The following PRPSAP2 variants were observed in gnomAD, a reference collection of about 807,000 sequenced individuals.
PRPSAP2 encodes the protein phosphoribosyl pyrophosphate synthetase associated protein 2.
In PRPSAP2, 24 loss-of-function variants were observed where a neutral mutation model predicts 40.6. The ratio of observed to expected loss-of-function variants is 0.59; its 90% CI spans 0.43 to 0.83. PRPSAP2 has a LOEUF of 0.83. PRPSAP2 is among the 40% of genes least tolerant of loss of function. PRPSAP2 has a pLI of 0.00. For missense variants in PRPSAP2, 292 were observed against 465.6 expected (o/e 0.63, Z 3.43); for synonymous variants, 149 against 164.7 (o/e 0.90, Z 0.73).
chr17:18,868,212 G>A (rs1290501847), intron 4 of PRPSAP2, among the ~76,000 whole-genome samples: 5 of 152,072 alleles, frequency 3.3e-5, no homozygotes, highest in Non-Finnish European at 5.9e-5. Context: ...GGTGGCTCAC[G>A]CCTGTAATCC....
intron 9 of PRPSAP2, among the ~76,000 whole-genome samples, chr17:18,922,576 C>A (rs1288895173): frequency 2.0e-5 from 3 of 150,700 alleles, no homozygotes; most frequent in African/African-American, 7.3e-5. Context: ...TGTTGAAATC[C>A]TTTGCCCATT....
chr17:18,861,065 C>T (rs1025460233), intron 1 of PRPSAP2, among the ~76,000 whole-genome samples: 1 of 152,150 alleles, frequency 6.6e-6, no homozygotes, highest in African/African-American at 2.4e-5. Flanking sequence ...AGCCCCATCT[C>T]GATGATTATT....
At chr17:18,916,418 C>T (rs564917426) in intron 9 of PRPSAP2, among the ~76,000 whole-genome samples, 109 of 150,786 alleles carry the variant, frequency 7.2e-4, no homozygotes, top group Non-Finnish European at 1.3e-3. Flanking sequence ...TCTTGTTGCC[C>T]AGGCTGGAGT....
chr17:18,867,175 A>G, intron 3 of PRPSAP2, 107 bp from the exon 4 acceptor site: 1 of 1,133,116 alleles, frequency 8.8e-7, no homozygotes, highest in Non-Finnish European at 1.3e-6. Flanking sequence ...TAAGAAGAAT[A>G]ACTTTATTTT....
At chr17:18,894,477 G>GTTTTTTTTTTT (rs1417463058) in intron 8 of PRPSAP2, among the ~76,000 whole-genome samples, 23 of 119,996 alleles carry the variant, frequency 1.9e-4, no homozygotes, top group Admixed American at 2.5e-4. Context: ...CTTTTCAATA[G>GTTTTTTTTTTT]TCTTTTTTTT....
At chr17:18,882,488 G>T in intron 6 of PRPSAP2, 80 bp from the exon 7 acceptor site, 2 of 900,108 alleles carry the variant, frequency 2.2e-6, no homozygotes, top group South Asian at 1.5e-5. Context: ...TCCAGCCTGG[G>T]TGACAGAATG....
intron 8 of PRPSAP2, chr17:18,904,512 C>T (rs1251900709): frequency 1.3e-5 from 2 of 152,238 alleles, no homozygotes; most frequent in Non-Finnish European, 2.9e-5. Flanking sequence ...GCCTCGGCCT[C>T]CCAAAGTGTT....
chr17:18,898,640 G>T (rs1252522872), intron 8 of PRPSAP2, among the ~76,000 whole-genome samples: 1 of 152,190 alleles, frequency 6.6e-6, no homozygotes, highest in Non-Finnish European at 1.5e-5. Context: ...TTTCTGATGA[G>T]AAGTTGGTTA....
intron 10 of PRPSAP2, chr17:18,928,435 T>G: frequency 3.6e-6 from 1 of 274,556 alleles, no homozygotes; most frequent in South Asian, 4.0e-5. Context: ...AAAAACATCT[T>G]TTAACACTTT....
chr17:18,863,753 C>T (rs2037220103), intron 1 of PRPSAP2, among the ~76,000 whole-genome samples: 1 of 150,914 alleles, frequency 6.6e-6, no homozygotes. Context: ...AGGCTGGTCT[C>T]GAACCCCTGA....
chr17:18,896,176 C>G (rs985014216), intron 8 of PRPSAP2, among the ~76,000 whole-genome samples: 1 of 152,144 alleles, frequency 6.6e-6, no homozygotes, highest in African/African-American at 2.4e-5. Context: ...TCCACCAATT[C>G]CCAGTGTTTG....
intron 9 of PRPSAP2, among the ~76,000 whole-genome samples, chr17:18,916,128 A>T (rs546329162): frequency 3.3e-4 from 50 of 152,026 alleles, no homozygotes; most frequent in African/African-American, 1.1e-3. Flanking sequence ...CAAATTTTTA[A>T]CATAAGTTTT....
At chr17:18,924,232 G>GT (rs1398531814) in intron 10 of PRPSAP2, among the ~76,000 whole-genome samples, 1 of 152,088 alleles carries the variant, frequency 6.6e-6, no homozygotes, top group African/African-American at 2.4e-5. Flanking sequence ...TAGAGATGGG[G>GT]TTTCACCATG....
chr17:18,860,554 C>T (rs2036932258), intron 1 of PRPSAP2: 1 of 152,184 alleles, frequency 6.6e-6, no homozygotes, highest in Non-Finnish European at 1.5e-5. Flanking sequence ...ATGGGGAAAT[C>T]TTTTTACCAA....
At chr17:18,917,563 A>ATTATTATTATTATTG (rs1567744042) in intron 9 of PRPSAP2, 19 of 25,426 alleles carry the variant, frequency 7.5e-4, no homozygotes, top group Admixed American at 1.4e-3. Flanking sequence ...TATTATTATT[A>ATTATTATTATTATTG]TTATTATTAT....
chr17:18,879,869 G>T (rs563915515), intron 6 of PRPSAP2, among the ~76,000 whole-genome samples: 3 of 152,154 alleles, frequency 2.0e-5, no homozygotes, highest in East Asian at 2.0e-4. Flanking sequence ...GGAGAACCAG[G>T]GGGCGATCAC....
intron 1 of PRPSAP2, among the ~76,000 whole-genome samples, chr17:18,861,997 C>T (rs908309589): frequency 1.3e-5 from 2 of 152,192 alleles, no homozygotes; most frequent in Non-Finnish European, 2.9e-5. Flanking sequence ...AAGCGATTCA[C>T]CTGCCTCAGC....
intron 1 of PRPSAP2, among the ~76,000 whole-genome samples, chr17:18,861,811 T>A (rs2037041541): frequency 3.3e-5 from 5 of 152,212 alleles, no homozygotes; most frequent in Admixed American, 3.3e-4. Context: ...ATTTGATGTT[T>A]CCCATAAATC....
At chr17:18,920,774 A>G (rs2041645114) in intron 9 of PRPSAP2, among the ~76,000 whole-genome samples, 1 of 152,228 alleles carries the variant, frequency 6.6e-6, no homozygotes, top group African/African-American at 2.4e-5. Flanking sequence ...ATTTGAAAAT[A>G]TTATCCATAA....
Sources: allele counts gnomAD v4.1 joint callset (sites outside exome capture counted in the v4.1 genomes callset), GRCh38; gene constraint gnomAD v4.1.1; transcripts MANE v1.5; gene names NCBI Gene and HGNC (gene_info 2026-07-23, HGNC 2026-07-21).